The following CACNA1I variants were observed in gnomAD, a reference collection of about 807,000 sequenced individuals.
CACNA1I encodes the protein voltage-dependent T-type calcium channel subunit alpha-1I.
CACNA1I carries 74 observed loss-of-function variants against 201.6 expected under a neutral mutation model. The observed-to-expected ratio is 0.37, with a 90% CI of 0.30 to 0.45. The LOEUF is 0.45. CACNA1I is among the 20% of genes least tolerant of loss of function. The pLI is 1.00. For missense variants in CACNA1I, 2,346 were observed against 3,138.1 expected (o/e 0.75, Z 6.03); for synonymous variants, 1,431 against 1,345.2 (o/e 1.06, Z -1.40).
At chr22:39,667,114 G>A (rs904480339) in intron 23 of CACNA1I, among the ~76,000 whole-genome samples, 3 of 152,200 alleles carry the variant, frequency 2.0e-5, no homozygotes, top group African/African-American at 7.2e-5. Flanking sequence ...CTTACCAGCC[G>A]TGTGCCCTCA....
intron 4 of CACNA1I, among the ~76,000 whole-genome samples, chr22:39,625,815 T>C (rs912109991): frequency 6.6e-6 from 1 of 151,850 alleles, no homozygotes; most frequent in African/African-American, 2.4e-5. Flanking sequence ...TGGGGCTGAA[T>C]TATCTCTAAA....
rs546619843 is a variant in CACNA1I, at chr22:39,580,443, C to T, written c.236+9455C>T. On this transcript the variant is annotated intron_variant, in intron 1 of 36. Transcript: ENST00000402142. ...CCCAGGGCAACCTCAGGTACCCTGG[C>T]ATGGAGGTTTTCGTGTAAAGAGAAC... Among the ~76,000 whole-genome samples, 13 of 152,276 alleles carry T rather than the reference C, an allele frequency of 8.5e-5. No individual in the cohort carries two copies. The South Asian group carries it at 2.7e-3, about 32-fold the overall frequency.
intron 1 of CACNA1I, among the ~76,000 whole-genome samples, chr22:39,597,409 G>A (rs1932916112): frequency 6.6e-6 from 1 of 152,176 alleles, no homozygotes; most frequent in South Asian, 2.1e-4. Flanking sequence ...GTGGTGAGGA[G>A]AGCAGCCTGG....
intron 16 of CACNA1I, among the ~76,000 whole-genome samples, chr22:39,661,531 T>C (rs561119600): frequency 2.6e-5 from 4 of 152,262 alleles, no homozygotes; most frequent in South Asian, 2.1e-4. Context: ...GTGCAGAGAA[T>C]TGGATTTTCA....
At chr22:39,610,796 G>C (rs952682666) in intron 3 of CACNA1I, among the ~76,000 whole-genome samples, 2 of 152,130 alleles carry the variant, frequency 1.3e-5, no homozygotes, top group African/African-American at 2.4e-5. Flanking sequence ...CGGTGGCAGG[G>C]TGGTGGCAGG....
intron 8 of CACNA1I, 118 bp downstream of exon 8, chr22:39,646,999 G>A (rs970795089): frequency 1.1e-4 from 149 of 1,403,862 alleles, no homozygotes; most frequent in Non-Finnish European, 1.3e-4. Flanking sequence ...TCATGCTCAA[G>A]TGTTTCCTTC....
chr22:39,663,697 G>GCGCC, intron 18 of CACNA1I, 21 bp from the exon 19 acceptor site: 43 of 1,592,526 alleles, frequency 2.7e-5, no homozygotes, highest in South Asian at 3.3e-5. Context: ...CGCTCAGGCA[G>GCGCC]CCCCCGCCCA....
In CACNA1I at chr22:39,663,824, A is replaced by C. The variant is rs774039038; in HGVS notation, c.3580A>C (p.Ile1194Leu). 6.2e-7 allele frequency: 1 copy of C among 1,613,656 alleles called. No individual in the cohort carries two copies. The highest frequency in any genetic ancestry group is 2.2e-5 in the East Asian group (1 of 44,850). ...CACCATCGCCCTGGAGCGGCCTCAG[A>C]TCGAGGCCGGCAGCACCGTGAGTGG... ...CITIALERPQ[I>L]EAGSTERIFL... The change falls in exon 19 of 37, where the codon ATC (isoleucine) becomes CTC (leucine). Residue 1194 changes from isoleucine to leucine, a missense_variant. This residue lies in a region of CACNA1I where 158 missense variants were observed against 231.6 expected (regional missense o/e 0.68). Transcript: ENST00000402142.
At chr22:39,622,208 G>C (rs540020416) in intron 4 of CACNA1I, among the ~76,000 whole-genome samples, 1 of 152,130 alleles carries the variant, frequency 6.6e-6, no homozygotes, top group Admixed American at 6.5e-5. Flanking sequence ...CGTGTGAAAT[G>C]GACACAGCAG....
intron 3 of CACNA1I, among the ~76,000 whole-genome samples, chr22:39,616,254 G>A (rs1047329225): frequency 1.3e-5 from 2 of 152,140 alleles, no homozygotes; most frequent in African/African-American, 4.8e-5. Flanking sequence ...GGCGGATGGC[G>A]GGGAGGTTGC....
At chr22:39,619,074 TC>T (rs1444073032) in intron 3 of CACNA1I, among the ~76,000 whole-genome samples, 1 of 152,116 alleles carries the variant, frequency 6.6e-6, no homozygotes, top group Non-Finnish European at 1.5e-5. Context: ...ACATCTGTGC[TC>T]CCTTCATGCT....
At chr22:39,638,368 T>A in intron 5 of CACNA1I, among the ~76,000 whole-genome samples, 1 of 152,218 alleles carries the variant, frequency 6.6e-6, no homozygotes, top group African/African-American at 2.4e-5. Context: ...GGTGACCATA[T>A]GTATTTGGGT....
At chr22:39,620,387 C>G (rs1933712613) in intron 4 of CACNA1I, among the ~76,000 whole-genome samples, 2 of 152,192 alleles carry the variant, frequency 1.3e-5, no homozygotes, top group Non-Finnish European at 2.9e-5. Context: ...ATCCACCCAT[C>G]CACCTGTCCA....
intron 23 of CACNA1I, among the ~76,000 whole-genome samples, chr22:39,667,456 A>G (rs1032100668): frequency 5.3e-5 from 8 of 152,284 alleles, no homozygotes; most frequent in African/African-American, 9.6e-5. Context: ...TGAGTAGGAC[A>G]TGTAACCTCC....
chr22:39,684,696 G>A lies in CACNA1I; in HGVS notation c.6027+198G>A, dbSNP rs1026597172. Reference sequence around the variant, plus strand: ...TGGCACTGGGGCGGATGGAGTGGGCGGGGCTGGGTCCTGGGGACAGCAGAG... The same window carrying A: ...TGGCACTGGGGCGGATGGAGTGGGCAGGGCTGGGTCCTGGGGACAGCAGAG... On this transcript the variant is annotated intron_variant, in intron 36 of 36. Transcript: ENST00000402142. The surrounding 1 kb of genome is among the most constrained non-coding windows in gnomAD (Gnocchi z 4.6). 1.1e-5 allele frequency: 7 copies of A among 637,948 alleles called. No homozygotes were observed. Among genetic ancestry groups the A allele is most frequent in the Admixed American group, 5.1e-5 (2 of 39,038 alleles). 39.5% of individuals were successfully genotyped at this position (637,948 alleles called of 1,614,324 possible).
intron 28 of CACNA1I, among the ~76,000 whole-genome samples, 183 bp downstream of exon 28, chr22:39,673,265 G>T (rs916911412): frequency 6.6e-6 from 1 of 152,032 alleles, no homozygotes; most frequent in African/African-American, 2.4e-5. Context: ...CAACACACAC[G>T]CATGCACCCT....
In CACNA1I at chr22:39,575,382, C is replaced by T. The variant is rs1458372947; in HGVS notation, c.236+4394C>T. The stretch of plus-strand genomic sequence containing the variant: ...CTGAGGACAGAGCAGGACAGTGTGA[C>T]AGTGGAGTTTGGGAACTGGAAAAGC... On this transcript the variant is annotated intron_variant, in intron 1 of 36. Transcript: ENST00000402142. 1.5e-3 allele frequency among the ~76,000 whole-genome samples: 229 copies of T among 152,272 alleles called. 2 individuals are homozygous for T. Among genetic ancestry groups the T allele is most frequent in the Non-Finnish European group, 7.4e-5 (5 of 68,020 alleles).
At chr22:39,576,712 C>T (rs1377412412) in intron 1 of CACNA1I, among the ~76,000 whole-genome samples, 1 of 152,196 alleles carries the variant, frequency 6.6e-6, no homozygotes, top group African/African-American at 2.4e-5. Flanking sequence ...ACCCTTTGCG[C>T]CCTCGTCTCC....
chr22:39,662,515 G>T (rs1324625765), intron 17 of CACNA1I, 80 bp downstream of exon 17: 2 of 1,126,412 alleles, frequency 1.8e-6, no homozygotes, highest in Admixed American at 3.2e-5. Flanking sequence ...GGCGGGGCCC[G>T]AGCGGGCGGG....
Sources: gnomAD v4.1 joint callset for allele counts (sites outside exome capture counted in the v4.1 genomes callset) on GRCh38, gnomAD v4.1.1 for gene constraint, gnomAD v4.1.1 regional missense constraint, Gnocchi (gnomAD v3.1) non-coding constraint, MANE v1.5 for transcripts, NCBI Gene and HGNC (gene_info 2026-07-23, HGNC 2026-07-21) for gene names.